Variants in CADM2 observed in about 807,000 individuals in gnomAD.
The protein encoded by CADM2 is immunoglobulin superfamily member 4D.
CADM2 carries 12 observed loss-of-function variants against 49.8 expected under a neutral mutation model. The ratio of observed to expected loss-of-function variants is 0.24; its 90% CI spans 0.15 to 0.39. CADM2 has a LOEUF of 0.39. Ranked by LOEUF, CADM2 falls within the 10% of genes least tolerant of loss-of-function variation. CADM2 has a pLI of 1.00. For missense variants in CADM2, 378 were observed against 492.3 expected, an observed-to-expected ratio of 0.77 and a Z score of 2.20; for synonymous variants, 214 against 175.4, an observed-to-expected ratio of 1.22 and a Z score of -1.74.
intron 1 of CADM2, among the ~76,000 whole-genome samples, chr3:85,189,600 A>C (rs1230760422): frequency 6.6e-6 from 1 of 152,254 alleles, no homozygotes; most frequent in Non-Finnish European, 1.5e-5. Flanking sequence ...ATTTTAACAG[A>C]AAATGTACTG....
At position 85,642,220 on chromosome 3, in the gene CADM2, T is replaced by C. The variant is rs528683398; in HGVS notation, c.62-84302T>C. Among the ~76,000 whole-genome samples the C allele has an allele frequency of 4.9e-4, 75 of 152,274 alleles. No homozygotes were observed. In the Middle Eastern group the frequency reaches 0.014, roughly 28 times the overall value. ...TACCCAGTTTTGAGTAAACTAGTTA[T>C]AGTCAGCAGGGAATTCATTCAGAAG... On this transcript the variant is annotated intron_variant, in intron 1 of 9. Transcript: ENST00000383699.
intron 1 of CADM2, among the ~76,000 whole-genome samples, chr3:85,342,721 A>T (rs2030023447): frequency 6.6e-6 from 1 of 152,130 alleles, no homozygotes; most frequent in Non-Finnish European, 1.5e-5. Context: ...TGAATTTTTA[A>T]TATCAAATCT....
intron 1 of CADM2, among the ~76,000 whole-genome samples, chr3:85,655,475 T>A (rs1468060362): frequency 6.6e-6 from 1 of 151,912 alleles, no homozygotes; most frequent in Non-Finnish European, 1.5e-5. Context: ...GGTAATTTTT[T>A]AACCTGAGCC....
chr3:85,659,698 C>G (rs187165931), intron 1 of CADM2, among the ~76,000 whole-genome samples: 1 of 152,136 alleles, frequency 6.6e-6, no homozygotes, highest in African/African-American at 2.4e-5. Context: ...CTCTCAGAAG[C>G]ATTGTCCAGG....
At chr3:85,803,755 A>G (rs2072222140) in intron 3 of CADM2, among the ~76,000 whole-genome samples, 1 of 152,078 alleles carries the variant, frequency 6.6e-6, no homozygotes, top group Non-Finnish European at 1.5e-5. Context: ...TCCTGTCCAC[A>G]TTATGGAGAA....
intron 7 of CADM2, among the ~76,000 whole-genome samples, chr3:85,948,042 T>C (rs1722954642): frequency 1.3e-5 from 2 of 151,584 alleles, no homozygotes; most frequent in African/African-American, 4.8e-5. Context: ...ATACGTTTAG[T>C]AGATTTTTCA....
chr3:85,226,473 C>A (rs1408621163), intron 1 of CADM2, among the ~76,000 whole-genome samples: 1 of 152,038 alleles, frequency 6.6e-6, no homozygotes, highest in South Asian at 2.1e-4. Flanking sequence ...GTGATATCAC[C>A]TTTATCATTT....
At chr3:85,557,429 G>T (rs2061987949) in intron 1 of CADM2, among the ~76,000 whole-genome samples, 5 of 151,444 alleles carry the variant, frequency 3.3e-5, no homozygotes, top group Admixed American at 3.3e-4. Context: ...TTTAGGTTGG[G>T]GTTTTTTCCT....
intron 3 of CADM2, among the ~76,000 whole-genome samples, chr3:85,819,806 GA>G: frequency 6.6e-6 from 1 of 152,150 alleles, no homozygotes; most frequent in African/African-American, 2.4e-5. Context: ...AGATTTATCA[GA>G]GGACAAAACA....
intron 1 of CADM2, among the ~76,000 whole-genome samples, chr3:85,052,288 G>A (rs2035910200): frequency 6.6e-6 from 1 of 152,078 alleles, no homozygotes; most frequent in Non-Finnish European, 1.5e-5. Flanking sequence ...TGGTAACATG[G>A]ATTAGGCTAC....
At chr3:85,134,838 C>T (rs1354671503) in intron 1 of CADM2, among the ~76,000 whole-genome samples, 1 of 151,800 alleles carries the variant, frequency 6.6e-6, no homozygotes, top group Non-Finnish European at 1.5e-5. Context: ...TTTAATGAAA[C>T]TAATTGTATT....
intron 1 of CADM2, among the ~76,000 whole-genome samples, chr3:85,613,804 A>G (rs1042240745): frequency 6.6e-6 from 1 of 151,688 alleles, no homozygotes; most frequent in Non-Finnish European, 1.5e-5. Context: ...AAAATTAGTA[A>G]CATAGTATTT....
In CADM2 at chr3:85,726,564, T is replaced by TTA; in HGVS notation, c.88+17_88+18insAT. The stretch of plus-strand genomic sequence containing the variant: ...AAAGTTAAAGGTGAGCTCCTGTTTA[T>TTA]TCTGCATGAGTCATCATCATTCATT... On this transcript the variant is annotated intron_variant, in intron 2 of 9. Transcript: ENST00000383699. The TTA allele has an allele frequency of 1.2e-6, 2 of 1,603,232 alleles. No individual in the cohort carries two copies. Among genetic ancestry groups the TTA allele is most frequent in the Non-Finnish European group, 1.7e-6 (2 of 1,170,814 alleles).
rs143096570 is a variant in CADM2, at chr3:85,001,869, G to A, written c.61+42201G>A. 1.1e-3 allele frequency among the ~76,000 whole-genome samples: 169 copies of A among 151,950 alleles called. 3 individuals carry two copies. In the East Asian group the frequency reaches 0.03, roughly 27 times the overall value. ...TTCTTAATCCCACTCCTTCTTCAGCGAAGACACTCAGATTTCGAATAATTA... is the reference window on the plus strand; with the variant it reads ...TTCTTAATCCCACTCCTTCTTCAGCAAAGACACTCAGATTTCGAATAATTA... On this transcript the variant is annotated intron_variant, in intron 1 of 9. Coordinates refer to ENST00000383699, the MANE Select transcript of CADM2 (RefSeq NM_001167675.2).
At chr3:85,790,110 A>C (rs1435707378) in intron 2 of CADM2, among the ~76,000 whole-genome samples, 1 of 152,208 alleles carries the variant, frequency 6.6e-6, no homozygotes, top group Non-Finnish European at 1.5e-5. Context: ...TAATGGGAGA[A>C]ATTAGAAAAA....
At chr3:85,999,656 A>G (rs946639068) in intron 8 of CADM2, among the ~76,000 whole-genome samples, 3 of 151,268 alleles carry the variant, frequency 2.0e-5, no homozygotes, top group Non-Finnish European at 4.4e-5. Context: ...AAAGGAAAGA[A>G]AAAAGAAAGA....
At chr3:85,916,358 T>C (rs1197404557) in intron 6 of CADM2, among the ~76,000 whole-genome samples, 2 of 140,206 alleles carry the variant, frequency 1.4e-5, no homozygotes, top group Non-Finnish European at 3.1e-5. Context: ...TGTGTGATGT[T>C]CCCCTTCCTG....
At chr3:85,651,493 A>T (rs1385794991) in intron 1 of CADM2, among the ~76,000 whole-genome samples, 1 of 152,214 alleles carries the variant, frequency 6.6e-6, no homozygotes, top group Non-Finnish European at 1.5e-5. Flanking sequence ...ACAAAAAAGA[A>T]GCATGATAGA....
intron 2 of CADM2, among the ~76,000 whole-genome samples, chr3:85,737,295 T>C (rs1330658524): frequency 6.6e-6 from 1 of 152,200 alleles, no homozygotes; most frequent in African/African-American, 2.4e-5. Flanking sequence ...GAAAATTTCA[T>C]ACATATAAAC....
Sources: allele counts gnomAD v4.1 joint callset (sites outside exome capture counted in the v4.1 genomes callset), GRCh38; gene constraint gnomAD v4.1.1; transcripts MANE v1.5; gene names NCBI Gene and HGNC (gene_info 2026-07-23, HGNC 2026-07-21).